The following ANK3 variants were observed in gnomAD, a reference collection of about 807,000 sequenced individuals.
The protein encoded by ANK3 is ankyrin 3.
In ANK3, 57 loss-of-function variants were observed where a neutral mutation model predicts 370.9. That is an observed-to-expected ratio of 0.15 (90% confidence interval 0.12 to 0.19). ANK3 has a LOEUF of 0.19. Ranked by LOEUF, ANK3 falls within the 10% of genes least tolerant of loss-of-function variation. The probability of loss-of-function intolerance (pLI) is 1.00; values close to 1 mark genes in which losing one functional copy is unlikely to be tolerated. For synonymous variants in ANK3, 1,929 were observed against 1,946.3 expected (o/e 0.99, Z 0.23); for missense variants, 4,439 against 5,302.1 (o/e 0.84, Z 5.06).
intron 2 of ANK3, among the ~76,000 whole-genome samples, chr10:60,502,638 C>T (rs2075829449): frequency 1.3e-5 from 2 of 151,426 alleles, no homozygotes; most frequent in African/African-American, 4.9e-5. Flanking sequence ...GATGATTGTG[C>T]CTGTGAATAG....
At chr10:60,201,819 C>T (rs576310374) in intron 12 of ANK3, among the ~76,000 whole-genome samples, 11 of 150,314 alleles carry the variant, frequency 7.3e-5, no homozygotes, top group African/African-American at 2.7e-4. Flanking sequence ...TCAAGTGATT[C>T]TCGTGCCTCA....
chr10:60,644,539 T>TG (rs1275002914), intron 1 of ANK3, among the ~76,000 whole-genome samples: 2 of 151,714 alleles, frequency 1.3e-5, no homozygotes, highest in African/African-American at 4.8e-5. Flanking sequence ...ATTTTTCTAT[T>TG]GGAAAAAAAA....
At chr10:60,583,714 C>T (rs564929107) in intron 2 of ANK3, among the ~76,000 whole-genome samples, 1 of 152,000 alleles carries the variant, frequency 6.6e-6, no homozygotes, top group African/African-American at 2.4e-5. Flanking sequence ...TCCTGAGTAG[C>T]TGGGATTACA....
chr10:60,282,702 C>A (rs1365521865), intron 1 of ANK3, among the ~76,000 whole-genome samples: 1 of 152,136 alleles, frequency 6.6e-6, no homozygotes, highest in Non-Finnish European at 1.5e-5. Context: ...TCTGAGATAG[C>A]TAATTGACCA....
chr10:60,240,302 A>ATT (rs1170312298), intron 7 of ANK3, among the ~76,000 whole-genome samples: 46 of 88,128 alleles, frequency 5.2e-4, no homozygotes, highest in African/African-American at 1.1e-3. Flanking sequence ...ATATATATAT[A>ATT]TATATTTTTT....
intron 2 of ANK3, among the ~76,000 whole-genome samples, chr10:60,531,484 A>G (rs975918597): frequency 2.6e-5 from 4 of 152,080 alleles, no homozygotes; most frequent in African/African-American, 4.8e-5. Flanking sequence ...GCCAGAAGAG[A>G]GAAAATTTAC....
intron 1 of ANK3, among the ~76,000 whole-genome samples, chr10:60,649,412 T>A (rs1015396559): frequency 6.6e-6 from 1 of 152,218 alleles, no homozygotes; most frequent in Admixed American, 6.5e-5. Flanking sequence ...CATCTTAATA[T>A]GTTTATGGGA....
Position 60,369,951 on chromosome 10 carries a change from G to A in ANK3, c.114+19474C>T, listed in dbSNP as rs552834291. Among the ~76,000 whole-genome samples, 89 of 152,124 alleles carry A rather than the reference G, an allele frequency of 5.9e-4. 1 individual carries two copies. The highest frequency in any genetic ancestry group is 1.0e-3 in the Non-Finnish European group (69 of 67,964). ...TTAGTCTCATGGATTTTGGGGTAAC[G>A]GCATTCTTTACTGGTAATTTGAGAT... On this transcript the variant is annotated intron_variant, in intron 1 of 43. Coordinates refer to ENST00000280772, the MANE Select transcript of ANK3 (RefSeq NM_020987.5).
intron 4 of ANK3, 74 bp downstream of exon 4, chr10:60,278,700 A>G: frequency 8.4e-7 from 1 of 1,187,250 alleles, no homozygotes; most frequent in East Asian, 2.3e-5. Flanking sequence ...ATGTGAACTA[A>G]GCAAGCACCT....
intron 2 of ANK3, among the ~76,000 whole-genome samples, chr10:60,466,203 T>C (rs1291034610): frequency 6.6e-6 from 1 of 152,190 alleles, no homozygotes; most frequent in Non-Finnish European, 1.5e-5. Flanking sequence ...GAGGGCATAA[T>C]TGTCTTCTAG....
chr10:60,088,460 T>C (rs2087272299), intron 28 of ANK3, 102 bp from the exon 29 acceptor site: 1 of 1,054,952 alleles, frequency 9.5e-7, no homozygotes. Flanking sequence ...AGTTTCACTC[T>C]TGTTACCCAG....
intron 1 of ANK3, among the ~76,000 whole-genome samples, chr10:60,669,938 C>G (rs1216377592): frequency 6.6e-6 from 1 of 152,088 alleles, no homozygotes; most frequent in African/African-American, 2.4e-5. Context: ...TCCTCCCACC[C>G]CAGCCTTTCA....
At chr10:60,154,776 C>CA (rs2095275014) in intron 23 of ANK3, among the ~76,000 whole-genome samples, 1 of 152,176 alleles carries the variant, frequency 6.6e-6, no homozygotes, top group African/African-American at 2.4e-5. Flanking sequence ...GCCTGGGCAA[C>CA]AGAGTGAGAC....
intron 2 of ANK3, among the ~76,000 whole-genome samples, chr10:60,493,636 T>C (rs915268030): frequency 1.3e-5 from 2 of 152,026 alleles, no homozygotes; most frequent in African/African-American, 4.8e-5. Context: ...TGAGTTTTTT[T>C]AGAGAGAAAT....
At chr10:60,455,454 A>G (rs1468712829) in intron 2 of ANK3, among the ~76,000 whole-genome samples, 1 of 152,228 alleles carries the variant, frequency 6.6e-6, no homozygotes, top group Non-Finnish European at 1.5e-5. Flanking sequence ...GCAACAAATA[A>G]TAACGCACTA....
intron 2 of ANK3, among the ~76,000 whole-genome samples, chr10:60,443,425 T>G (rs2064352061): frequency 6.6e-6 from 1 of 152,136 alleles, no homozygotes; most frequent in South Asian, 2.1e-4. Flanking sequence ...TCATATTCCT[T>G]CTGGGAGCCT....
intron 28 of ANK3, among the ~76,000 whole-genome samples, chr10:60,100,463 C>T (rs542441294): frequency 6.6e-6 from 1 of 151,978 alleles, no homozygotes; most frequent in East Asian, 1.9e-4. Flanking sequence ...GAAATGAACC[C>T]AATTGGCAAC....
intron 1 of ANK3, among the ~76,000 whole-genome samples, chr10:60,627,686 C>A (rs2078430498): frequency 2.0e-5 from 3 of 152,086 alleles, no homozygotes; most frequent in Admixed American, 6.6e-5. Context: ...CAAGAGTCTG[C>A]CCTCTGATCA....
At chr10:60,092,109 T>A (rs1021425409) in intron 28 of ANK3, among the ~76,000 whole-genome samples, 4 of 152,016 alleles carry the variant, frequency 2.6e-5, no homozygotes, top group Admixed American at 2.6e-4. Context: ...GAACAGGAAA[T>A]GGAATTGGGG....
Sources: gnomAD v4.1 joint callset for allele counts (sites outside exome capture counted in the v4.1 genomes callset) on GRCh38, gnomAD v4.1.1 for gene constraint, MANE v1.5 for transcripts, NCBI Gene and HGNC (gene_info 2026-07-23, HGNC 2026-07-21) for gene names.